Variants in NFASC observed in about 807,000 individuals in gnomAD.
NFASC encodes the protein neurofascin.
NFASC carries 43 observed loss-of-function variants against 147.5 expected under a neutral mutation model. The observed-to-expected ratio is 0.29, with a 90% CI of 0.23 to 0.38. The LOEUF (loss-of-function observed/expected upper bound fraction) is 0.38. Ranked by LOEUF, NFASC falls within the 10% of genes least tolerant of loss-of-function variation. NFASC has a pLI of 1.00. For synonymous variants in NFASC, 622 were observed against 665.5 expected (o/e 0.93, Z 1.01); for missense variants, 1,320 against 1,689.0 (o/e 0.78, Z 3.83).
At chr1:204,880,889 G>A (rs983808790) in intron 1 of NFASC, among the ~76,000 whole-genome samples, 1 of 152,240 alleles carries the variant, frequency 6.6e-6, no homozygotes. Flanking sequence ...CTTGCTGACT[G>A]AGACAGGAGA....
At chr1:204,938,321 C>T (rs529362737) in intron 2 of NFASC, among the ~76,000 whole-genome samples, 7 of 152,320 alleles carry the variant, frequency 4.6e-5, no homozygotes, top group African/African-American at 1.7e-4. Flanking sequence ...GGACAGAATG[C>T]TTCCCTCATC....
At chr1:204,952,244 C>A in intron 5 of NFASC, 128 bp downstream of exon 5, 1 of 704,938 alleles carries the variant, frequency 1.4e-6, no homozygotes, top group Non-Finnish European at 2.5e-6. Flanking sequence ...TAGGCACCTA[C>A]TAGGTGGAAG....
chr1:204,865,471 G>A (rs1047911983), intron 1 of NFASC, among the ~76,000 whole-genome samples: 3 of 152,124 alleles, frequency 2.0e-5, no homozygotes, highest in African/African-American at 7.2e-5. Context: ...GTAGTTTGGG[G>A]TATAACTTCA....
intron 1 of NFASC, among the ~76,000 whole-genome samples, chr1:204,907,944 ATGTGTGTG>A (rs58491017): frequency 1.0e-4 from 15 of 150,720 alleles, no homozygotes; most frequent in Admixed American, 3.3e-4. Context: ...ATGAGAATAA[ATGTGTGTG>A]TGTGTGTGTG....
At chr1:204,901,520 G>A (rs979334894) in intron 1 of NFASC, among the ~76,000 whole-genome samples, 1 of 152,166 alleles carries the variant, frequency 6.6e-6, no homozygotes, top group African/African-American at 2.4e-5. Context: ...GACTCAGCAC[G>A]TTGAGGTCAT....
chr1:205,004,637 A>C (rs2096068066), intron 27 of NFASC, among the ~76,000 whole-genome samples: 1 of 152,254 alleles, frequency 6.6e-6, no homozygotes. Flanking sequence ...TCCTTCAAAA[A>C]TACACATTCT....
intron 1 of NFASC, among the ~76,000 whole-genome samples, chr1:204,877,342 C>A (rs1264264330): frequency 6.6e-6 from 1 of 151,844 alleles, no homozygotes; most frequent in Admixed American, 6.6e-5. Context: ...CTATACACAG[C>A]GTCTGTGAAA....
chr1:204,925,843 A>G (rs1184270402), intron 2 of NFASC, among the ~76,000 whole-genome samples: 1 of 152,192 alleles, frequency 6.6e-6, no homozygotes, highest in African/African-American at 2.4e-5. Context: ...CAGATGGACA[A>G]TGGTCTGGAT....
rs755801730 is a variant in NFASC, at chr1:204,973,332, A to G, written c.1192A>G (p.Thr398Ala). The G allele has an allele frequency of 6.2e-7, 1 of 1,614,242 alleles. No homozygotes were observed. Among genetic ancestry groups the G allele is most frequent in the South Asian group, 1.1e-5 (1 of 91,086 alleles). Residue 398 changes from threonine to alanine, a missense_variant, in exon 12 of 30, where the codon ACC (threonine) becomes GCC (alanine). Physicochemically the swap from Thr to Ala is moderately conservative, Grantham distance 58 (BLOSUM62 0). Transcript: ENST00000339876. ...VAGDTIIFRD[T>A]QISSRAVYQC... ...CGGAGACACCATCATCTTCCGGGAC[A>G]CCCAGATCAGCAGCAGGGCTGTGTA...
chr1:204,833,889 A>G (rs1672953646), intron 1 of NFASC, among the ~76,000 whole-genome samples: 2 of 152,196 alleles, frequency 1.3e-5, no homozygotes, highest in Admixed American at 1.3e-4. Context: ...GGGGATATTA[A>G]TATGAACCTT....
intron 1 of NFASC, among the ~76,000 whole-genome samples, chr1:204,899,271 CA>C (rs1272735320): frequency 1.3e-5 from 2 of 152,228 alleles, no homozygotes; most frequent in African/African-American, 4.8e-5. Context: ...GTGCTCATTG[CA>C]TCTGCAAAAT....
intron 10 of NFASC, among the ~76,000 whole-genome samples, chr1:204,970,074 CAAAAAAAAAAAAAAAA>C (rs11307141): frequency 1.5e-5 from 1 of 65,460 alleles, no homozygotes; most frequent in African/African-American, 6.4e-5. Context: ...GACTCCATCT[CAAAAAAAAAAAAAAAA>C]AAAAAAAAAG....
At chr1:204,953,197 C>G (rs966514796) in intron 5 of NFASC, among the ~76,000 whole-genome samples, 1 of 152,222 alleles carries the variant, frequency 6.6e-6, no homozygotes, top group African/African-American at 2.4e-5. Context: ...GCTGCAGCTC[C>G]CAGGAGGAGC....
At chr1:204,933,856 G>A (rs944130900) in intron 2 of NFASC, among the ~76,000 whole-genome samples, 1 of 152,078 alleles carries the variant, frequency 6.6e-6, no homozygotes, top group African/African-American at 2.4e-5. Context: ...AGATAGGAGA[G>A]GCTGGGCATG....
chr1:205,011,773 C>T (rs2096257518), intron 28 of NFASC, among the ~76,000 whole-genome samples: 1 of 152,190 alleles, frequency 6.6e-6, no homozygotes. Context: ...TGATTATCTA[C>T]CTTGTGTCTC....
At chr1:204,982,680 G>A (rs1261561316) in intron 21 of NFASC, among the ~76,000 whole-genome samples, 2 of 152,256 alleles carry the variant, frequency 1.3e-5, no homozygotes, top group Non-Finnish European at 2.9e-5. Context: ...CCAGACGGTG[G>A]TGGCCTCTCT....
In NFASC at chr1:205,020,405, C is replaced by T. The variant is rs985228237; in HGVS notation, c.*3866C>T. The T allele has an allele frequency of 1.3e-5, 2 of 152,310 alleles. No homozygotes were observed. The highest frequency in any genetic ancestry group is 4.8e-5 in the African/African-American group (2 of 41,444). 9.4% of individuals were successfully genotyped at this position (152,310 alleles called of 1,614,324 possible). A position where few individuals can be genotyped will look rare whatever the true frequency, so the allele number is the denominator to read the frequency against. ...CAAGGGATAGCGATCCAGATTCCAA[C>T]ATTGTCTTGGAGAGGGTTAGTCCAC... On this transcript the variant is annotated 3_prime_UTR_variant, in exon 30 of 30. Coordinates refer to ENST00000339876, the MANE Select transcript of NFASC (RefSeq NM_001005388.3).
In NFASC at chr1:204,997,299, T is replaced by TGG; in HGVS notation, c.2912_2913insGG (p.Ile971MetfsTer95). ...ATCCCAACTGTCGCACCTACCACCA[T>TGG]CGCCACCACCACCACCGTCGCCACA... On this transcript the variant is annotated frameshift_variant, in exon 25 of 30. Coordinates refer to ENST00000339876, the MANE Select transcript of NFASC (RefSeq NM_001005388.3). LOFTEE classifies it high-confidence loss of function. 6.2e-7 allele frequency: 1 copy of TGG among 1,604,358 alleles called. No individual in the cohort carries two copies. Among genetic ancestry groups the TGG allele is most frequent in the Non-Finnish European group, 8.5e-7 (1 of 1,175,542 alleles).
rs1169221859 is a variant in NFASC at position 205,020,505 on chromosome 1, C to T, written c.*3966C>T. On this transcript the variant is annotated 3_prime_UTR_variant, in exon 30 of 30. Coordinates refer to ENST00000339876, the MANE Select transcript of NFASC (RefSeq NM_001005388.3). ...CGCACCTTAGAGGAGTGGGAAAGGC[C>T]ACCAGGGTTGGGCCCTGTTTAGGTA... is the stretch of plus-strand genomic sequence containing the variant. The T allele has an allele frequency of 1.3e-5, 2 of 152,240 alleles. No individual in the cohort carries two copies. Among genetic ancestry groups the T allele is most frequent in the East Asian group, 3.9e-4 (2 of 5,190 alleles). The allele number at this position is 152,240 out of a possible 1,614,324, so 9.4% of individuals were successfully genotyped here.
Sources: gnomAD v4.1 joint callset for allele counts (sites outside exome capture counted in the v4.1 genomes callset) on GRCh38, gnomAD v4.1.1 for gene constraint, MANE v1.5 for transcripts, NCBI Gene and HGNC (gene_info 2026-07-23, HGNC 2026-07-21) for gene names.